The following NXPH1 variants were observed in gnomAD, a reference collection of about 807,000 sequenced individuals.
NXPH1 encodes neurexophilin 1.
NXPH1 carries 5 observed loss-of-function variants against 23.7 expected under a neutral mutation model. The observed-to-expected ratio is 0.21, with a 90% CI of 0.11 to 0.44. The LOEUF (loss-of-function observed/expected upper bound fraction) is 0.44, where lower values mean the gene tolerates loss of function less well. NXPH1 is among the 20% of genes least tolerant of loss of function. The pLI, the probability that NXPH1 is intolerant of heterozygous loss-of-function variation, is 0.99. For synonymous variants in NXPH1, 144 were observed against 122.2 expected (o/e 1.18, Z -1.18); for missense variants, 324 against 321.6 (o/e 1.01, Z -0.06).
In NXPH1 at chr7:8,526,905, G is replaced by A. The variant is rs1033836323; in HGVS notation, c.54+91138G>A. Among the ~76,000 whole-genome samples the A allele has an allele frequency of 2.6e-5, 4 of 152,226 alleles. 1 individual carries two copies. In the South Asian group the frequency reaches 6.2e-4, roughly 24 times the overall value. ...GTAAGGCACAGGTAAATATATTGTC[G>A]TGCATAAACTTCTGTTTCTTGGAAG... On this transcript the variant is annotated intron_variant, in intron 2 of 2. Coordinates refer to ENST00000405863, the MANE Select transcript of NXPH1 (RefSeq NM_152745.3).
chr7:8,683,711 T>C (rs180857671), intron 2 of NXPH1, among the ~76,000 whole-genome samples: 3 of 152,300 alleles, frequency 2.0e-5, no homozygotes, highest in African/African-American at 4.8e-5. Context: ...TTAACTACTA[T>C]TACTTTTGCA....
intron 2 of NXPH1, among the ~76,000 whole-genome samples, chr7:8,668,089 A>G (rs1282165272): frequency 6.6e-6 from 1 of 151,594 alleles, no homozygotes. Context: ...GTTGTTTATT[A>G]TAGTTTTTCT....
At chr7:8,671,727 T>C (rs1820872028) in intron 2 of NXPH1, among the ~76,000 whole-genome samples, 1 of 152,192 alleles carries the variant, frequency 6.6e-6, no homozygotes, top group African/African-American at 2.4e-5. Context: ...CATAAGGTTA[T>C]TGCATAAATC....
At chr7:8,478,639 A>G (rs1310500224) in intron 2 of NXPH1, among the ~76,000 whole-genome samples, 1 of 152,110 alleles carries the variant, frequency 6.6e-6, no homozygotes, top group East Asian at 1.9e-4. Flanking sequence ...ATTTGAAACT[A>G]CATAGTGAAA....
intron 2 of NXPH1, among the ~76,000 whole-genome samples, chr7:8,580,585 C>T (rs776610975): frequency 5.3e-5 from 8 of 152,052 alleles, no homozygotes; most frequent in Non-Finnish European, 1.0e-4. Flanking sequence ...GTTTCAATGT[C>T]TGAAGAAAAA....
chr7:8,724,362 T>G (rs1263377388), intron 2 of NXPH1, among the ~76,000 whole-genome samples: 2 of 152,182 alleles, frequency 1.3e-5, no homozygotes, highest in African/African-American at 2.4e-5. Flanking sequence ...CTCTCAGTAT[T>G]TGAAGTCAGT....
At chr7:8,587,554 C>T (rs1819003677) in intron 2 of NXPH1, among the ~76,000 whole-genome samples, 2 of 152,022 alleles carry the variant, frequency 1.3e-5, no homozygotes, top group Non-Finnish European at 2.9e-5. Flanking sequence ...GTTACATAGG[C>T]ATACACGTGT....
rs1326309782 is a variant in NXPH1, at chr7:8,434,523, CA to C, written c.-341del. On this transcript the variant is annotated 5_prime_UTR_variant, in exon 1 of 3. Coordinates refer to ENST00000405863, the MANE Select transcript of NXPH1 (RefSeq NM_152745.3). This position sits in a 1 kb window ranked among gnomAD's most constrained non-coding sequence, Gnocchi z 7.6. ...TCTTAAGTTTCCTGCACCGTGAATC[CA>C]ACTGTGCCAAGCCTTGGCTCCCGCG... 5 of 152,816 alleles carry C rather than the reference CA, an allele frequency of 3.3e-5. No homozygotes were observed. Among genetic ancestry groups the C allele is most frequent in the African/African-American group, 1.2e-4 (5 of 41,432 alleles). 9.5% of individuals were successfully genotyped at this position (152,816 alleles called of 1,614,324 possible).
intron 2 of NXPH1, among the ~76,000 whole-genome samples, chr7:8,612,361 G>T (rs960030457): frequency 6.6e-6 from 1 of 151,198 alleles, no homozygotes; most frequent in African/African-American, 2.4e-5. Context: ...GGCTGTTTTG[G>T]TGACTCCCTG....
intron 2 of NXPH1, among the ~76,000 whole-genome samples, chr7:8,724,968 A>G (rs1780025259): frequency 6.6e-6 from 1 of 152,234 alleles, no homozygotes; most frequent in South Asian, 2.1e-4. Flanking sequence ...CAGCAGCAGC[A>G]TCTGATTCCA....
At chr7:8,731,049 G>C (rs6948261) in intron 2 of NXPH1, among the ~76,000 whole-genome samples, 22,588 of 124,886 alleles carry the variant, frequency 0.18, 2,713 homozygotes, top group African/African-American at 0.27. Flanking sequence ...TCTTTTTATT[G>C]TTTTTTCTCT....
intron 2 of NXPH1, among the ~76,000 whole-genome samples, chr7:8,532,746 C>T (rs1409596425): frequency 2.6e-5 from 4 of 152,006 alleles, no homozygotes; most frequent in African/African-American, 7.2e-5. Flanking sequence ...GGTGAGAATC[C>T]GGACCCTATC....
chr7:8,712,434 C>G (rs537028697), intron 2 of NXPH1, among the ~76,000 whole-genome samples: 2 of 152,172 alleles, frequency 1.3e-5, no homozygotes, highest in Non-Finnish European at 2.9e-5. Context: ...AAATGAGTAG[C>G]TTAAACTCCT....
At chr7:8,743,441 A>G (rs1039007909) in intron 2 of NXPH1, among the ~76,000 whole-genome samples, 4 of 152,014 alleles carry the variant, frequency 2.6e-5, no homozygotes, top group Admixed American at 1.3e-4. Flanking sequence ...AAGATTTTAT[A>G]TATAAAGAAG....
chr7:8,674,009 A>AAGC (rs745442876), intron 2 of NXPH1, among the ~76,000 whole-genome samples: 40 of 152,164 alleles, frequency 2.6e-4, no homozygotes, highest in Non-Finnish European at 3.8e-4. Context: ...TAACAAAGTA[A>AAGC]AGATCTATTG....
chr7:8,445,461 C>T, intron 2 of NXPH1, among the ~76,000 whole-genome samples: 1 of 152,192 alleles, frequency 6.6e-6, no homozygotes, highest in East Asian at 1.9e-4. Flanking sequence ...CTGCCTCTAA[C>T]CCACCACAAT....
chr7:8,475,492 AAAC>A (rs771614600), intron 2 of NXPH1, among the ~76,000 whole-genome samples: 7 of 152,238 alleles, frequency 4.6e-5, no homozygotes, highest in South Asian at 2.1e-4. Context: ...TCTAAATAAA[AAAC>A]AACAATAGCC....
At chr7:8,494,339 C>G (rs980603438) in intron 2 of NXPH1, among the ~76,000 whole-genome samples, 1 of 151,938 alleles carries the variant, frequency 6.6e-6, no homozygotes, top group Non-Finnish European at 1.5e-5. Flanking sequence ...ACATATTTTT[C>G]AATTTTTATC....
At chr7:8,731,334 C>T (rs1465485826) in intron 2 of NXPH1, among the ~76,000 whole-genome samples, 1 of 152,316 alleles carries the variant, frequency 6.6e-6, no homozygotes, top group East Asian at 1.9e-4. Flanking sequence ...GCCTTCTTCT[C>T]TCAGCTCATC....
Sources: allele counts gnomAD v4.1 joint callset (sites outside exome capture counted in the v4.1 genomes callset), GRCh38; gene constraint gnomAD v4.1.1; non-coding constraint Gnocchi (gnomAD v3.1); transcripts MANE v1.5; gene names NCBI Gene and HGNC (gene_info 2026-07-23, HGNC 2026-07-21).